The following ARHGEF11 variants were observed in gnomAD, a reference collection of about 807,000 sequenced individuals.
ARHGEF11 encodes Rho guanine exchange factor (GEF) 11.
A neutral mutation model predicts 193.7 loss-of-function variants in ARHGEF11; 55 were observed. That is an observed-to-expected ratio of 0.28 (90% CI 0.23 to 0.36). ARHGEF11 has a LOEUF of 0.36. Ranked by LOEUF, ARHGEF11 falls within the 10% of genes least tolerant of loss-of-function variation. ARHGEF11 has a pLI of 1.00. For synonymous variants in ARHGEF11, 693 were observed against 768.0 expected, an observed-to-expected ratio of 0.90 and a Z score of 1.62; for missense variants, 1,723 against 2,005.6, an observed-to-expected ratio of 0.86 and a Z score of 2.69.
At chr1:156,944,495 C>T (rs1657754213) in intron 30 of ARHGEF11, 62 bp from the exon 31 acceptor site, 4 of 1,533,762 alleles carry the variant, frequency 2.6e-6, no homozygotes, top group Non-Finnish European at 2.7e-6. Context: ...TGTTTGAGAG[C>T]CTACTGTGTG....
intron 38 of ARHGEF11, among the ~76,000 whole-genome samples, chr1:156,937,994 G>A (rs892985058): frequency 6.6e-6 from 1 of 152,206 alleles, no homozygotes; most frequent in African/African-American, 2.4e-5. Context: ...GACGTGGAGG[G>A]TTCCTGACAG....
chr1:156,984,311 C>A, intron 3 of ARHGEF11, 28 bp downstream of exon 3: 1 of 1,546,388 alleles, frequency 6.5e-7, no homozygotes, highest in Non-Finnish European at 8.8e-7. Context: ...GAACTGTCCA[C>A]CGTGGGCAGG....
chr1:157,013,259 T>TCACACACACACACACACACACACA (rs567488551), intron 1 of ARHGEF11, among the ~76,000 whole-genome samples: 5,220 of 109,312 alleles, frequency 0.048, 628 homozygotes, highest in Non-Finnish European at 0.064. Context: ...CTCCCCACTA[T>TCACACACACACACACACACACACA]CACTCACACA....
At chr1:157,017,863 A>C (rs1189297737) in intron 1 of ARHGEF11, among the ~76,000 whole-genome samples, 1 of 152,126 alleles carries the variant, frequency 6.6e-6, no homozygotes, top group Non-Finnish European at 1.5e-5. Context: ...AAAACTCATA[A>C]AACATACAGA....
intron 1 of ARHGEF11, among the ~76,000 whole-genome samples, chr1:156,990,227 T>C (rs538414479): frequency 6.6e-6 from 1 of 152,348 alleles, no homozygotes; most frequent in South Asian, 2.1e-4. Flanking sequence ...TCTTGTTGAA[T>C]GTCCTACAAT....
Position 156,937,311 on chromosome 1 carries a change from T to C in ARHGEF11, c.4378A>G (p.Arg1460Gly), listed in dbSNP as rs767043672. ...PSRSPPSLAL[R>G]DVGMIFHTIE... ...GTATGGAAGATCATGCCCACGTCCC[T>C]GAGGGCCAGGCTTGGAGGAGAGCGG... The change falls in exon 39 of 41, where the codon AGG becomes GGG. Residue 1460 changes from arginine to glycine, a missense_variant. Physicochemically the swap from Arg to Gly is moderately radical, Grantham distance 125. Around this residue, in one of 5 missense-constraint regions of ARHGEF11, gnomAD observed 360 missense variants for 344.4 expected, o/e 1.05. Transcript: ENST00000368194. The C allele has an allele frequency of 7.7e-5, 124 of 1,613,818 alleles. No individual in the cohort carries two copies. Among genetic ancestry groups the C allele is most frequent in the Non-Finnish European group, 1.0e-4 (122 of 1,179,934 alleles).
intron 36 of ARHGEF11, 43 bp downstream of exon 36, chr1:156,940,164 G>A (rs755537321): frequency 1.4e-5 from 21 of 1,529,300 alleles, no homozygotes; most frequent in East Asian, 4.5e-5. Flanking sequence ...CTGGGTGTGC[G>A]ACTGGGGACC....
At chr1:156,962,351 C>T (rs983677413) in intron 13 of ARHGEF11, among the ~76,000 whole-genome samples, 3 of 152,140 alleles carry the variant, frequency 2.0e-5, no homozygotes, top group Non-Finnish European at 4.4e-5. Context: ...AAGAATACAA[C>T]CGCAACTCCT....
intron 39 of ARHGEF11, 25 bp downstream of exon 39, chr1:156,937,224 G>A (rs775475279): frequency 1.9e-6 from 3 of 1,612,870 alleles, no homozygotes; most frequent in South Asian, 1.1e-5. Context: ...AAGGCCTGCA[G>A]GGACCCAAGC....
intron 6 of ARHGEF11, 84 bp downstream of exon 6, chr1:156,978,120 C>A: frequency 6.4e-7 from 1 of 1,565,236 alleles, no homozygotes; most frequent in Non-Finnish European, 8.7e-7. Context: ...CACAGCCCCA[C>A]TGGATTTAAC....
chr1:156,981,474 T>C (rs1203335729), intron 3 of ARHGEF11, among the ~76,000 whole-genome samples: 1 of 152,088 alleles, frequency 6.6e-6, no homozygotes, highest in African/African-American at 2.4e-5. Flanking sequence ...TTGACCACAA[T>C]ATGGTTTGTT....
chr1:157,028,167 T>C (rs551757211), intron 1 of ARHGEF11, among the ~76,000 whole-genome samples: 22 of 152,146 alleles, frequency 1.4e-4, no homozygotes, highest in Non-Finnish European at 3.1e-4. Flanking sequence ...GAGCAATGGA[T>C]AAACTGAACA....
rs750469074 is a variant in ARHGEF11, at chr1:156,948,209, G to C, written c.2125C>G (p.Pro709Ala). 6 of 1,581,564 alleles carry C rather than the reference G, an allele frequency of 3.8e-6. No individual in the cohort carries two copies. In the Admixed American group the frequency reaches 7.0e-5, roughly 18 times the overall value. The change falls in exon 24 of 41, where the codon CCT (proline) becomes GCT (alanine). Residue 709 changes from proline (P) to alanine (A), a missense_variant. Physicochemically the swap from Pro to Ala is conservative, Grantham distance 27. Around this residue, in one of 5 missense-constraint regions of ARHGEF11, gnomAD observed 491 missense variants for 654.5 expected, o/e 0.75. Transcript: ENST00000368194. This position sits in a 1 kb window ranked among gnomAD's most constrained non-coding sequence, Gnocchi z 4.2. ...CGGCCCATTTTGGGAGTGAATGGAG[G>C]GGTTGGGTTCTCAAGAGACCTGTGG... The part of the protein sequence containing the change: ...LSTRSLENPT[P>A]PFTPKMGRRS...
chr1:157,018,037 A>T (rs949429842), intron 1 of ARHGEF11, among the ~76,000 whole-genome samples: 3 of 152,204 alleles, frequency 2.0e-5, no homozygotes, highest in Non-Finnish European at 4.4e-5. Flanking sequence ...AAGTATGTTT[A>T]TACATACCAA....
At chr1:156,992,914 GCAAATAACAT>G (rs1222329956) in intron 1 of ARHGEF11, among the ~76,000 whole-genome samples, 2 of 152,182 alleles carry the variant, frequency 1.3e-5, no homozygotes, top group Non-Finnish European at 2.9e-5. Flanking sequence ...ACAAAGAGAA[GCAAATAACAT>G]CACGTCCTTT....
chr1:156,949,442 AAT>A (rs2101969199), intron 22 of ARHGEF11, among the ~76,000 whole-genome samples: 1 of 152,148 alleles, frequency 6.6e-6, no homozygotes, highest in Non-Finnish European at 1.5e-5. Context: ...GAGGCCTGGA[AAT>A]GTCTGCAGAG....
rs574587542 is a variant in ARHGEF11, at chr1:157,015,435, G to A, written c.32+28864C>T. Among the ~76,000 whole-genome samples, 149 of 152,276 alleles carry A rather than the reference G, an allele frequency of 9.8e-4. 1 individual carries two copies. The highest frequency in any genetic ancestry group is 3.5e-3 in the African/African-American group (147 of 41,552). Reference sequence around the variant, plus strand: ...TGCCTGGTACATAAGTACTATATGAGTATTTATCAAACAAACAAGCAACCC... The same window carrying A: ...TGCCTGGTACATAAGTACTATATGAATATTTATCAAACAAACAAGCAACCC... On this transcript the variant is annotated intron_variant, in intron 1 of 40. Transcript: ENST00000368194.
chr1:156,960,732 G>C (rs964630842), intron 14 of ARHGEF11, among the ~76,000 whole-genome samples: 3 of 152,136 alleles, frequency 2.0e-5, no homozygotes, highest in Non-Finnish European at 4.4e-5. Flanking sequence ...CCATTAGAGC[G>C]CATGGGATGG....
At chr1:156,944,669 C>T (rs1033941329) in intron 30 of ARHGEF11, among the ~76,000 whole-genome samples, 7 of 152,154 alleles carry the variant, frequency 4.6e-5, no homozygotes, top group African/African-American at 1.7e-4. Flanking sequence ...CCCACCTGCC[C>T]CTACCACGTG....
Sources: allele counts gnomAD v4.1 joint callset (sites outside exome capture counted in the v4.1 genomes callset), GRCh38; gene constraint gnomAD v4.1.1; regional missense constraint gnomAD v4.1.1; non-coding constraint Gnocchi (gnomAD v3.1); transcripts MANE v1.5; gene names NCBI Gene and HGNC (gene_info 2026-07-23, HGNC 2026-07-21).